Variants in CADPS observed in about 807,000 individuals in gnomAD.
The protein encoded by CADPS is calcium dependent secretion activator, also known as calcium-dependent secretion activator 1.
In CADPS, 57 loss-of-function variants were observed where a neutral mutation model predicts 167.3. The ratio of observed to expected loss-of-function variants is 0.34; its 90% CI spans 0.28 to 0.42. The LOEUF is 0.42. Ranked by LOEUF, CADPS falls within the 20% of genes least tolerant of loss-of-function variation. The pLI is 1.00. For synonymous variants in CADPS, 676 were observed against 635.3 expected (o/e 1.06, Z -0.96); for missense variants, 1,414 against 1,738.1 (o/e 0.81, Z 3.32).
At chr3:62,466,959 C>T (rs1166533896) in intron 24 of CADPS, among the ~76,000 whole-genome samples, 1 of 152,150 alleles carries the variant, frequency 6.6e-6, no homozygotes, top group African/African-American at 2.4e-5. Flanking sequence ...GGCAAAGTGT[C>T]TCTTTCTGAA....
Position 62,465,544 on chromosome 3 carries a change from C to A in CADPS, c.3553-94G>T. On this transcript the variant is annotated intron_variant, in intron 25 of 29. Transcript: ENST00000383710. The surrounding 1 kb of genome is among the most constrained non-coding windows in gnomAD (Gnocchi z 4.1). ...TTCCCCACCACATAAAGGCTGGGAT[C>A]GAGCCCTCCGTTCATTTCTGCAGTC... 1.3e-6 allele frequency: 1 copy of A among 790,386 alleles called. No individual in the cohort carries two copies. The highest frequency in any genetic ancestry group is 2.1e-5 in the South Asian group (1 of 47,670). The allele number at this position is 790,386 out of a possible 1,614,324, so 49.0% of individuals were successfully genotyped here.
chr3:62,639,209 AT>A (rs1464270563), intron 6 of CADPS, among the ~76,000 whole-genome samples: 11 of 152,320 alleles, frequency 7.2e-5, no homozygotes, highest in Admixed American at 7.2e-4. Context: ...GCAAAATTTA[AT>A]TTCTGGGTCA....
At chr3:62,629,844 T>G (rs1302174994) in intron 6 of CADPS, among the ~76,000 whole-genome samples, 1 of 152,012 alleles carries the variant, frequency 6.6e-6, no homozygotes, top group Non-Finnish European at 1.5e-5. Context: ...AACTTGCTTT[T>G]TTTCTTCCTT....
intron 3 of CADPS, among the ~76,000 whole-genome samples, chr3:62,687,069 A>G (rs2078181649): frequency 6.6e-6 from 1 of 152,152 alleles, no homozygotes; most frequent in African/African-American, 2.4e-5. Flanking sequence ...AGCCACAAGC[A>G]TGGGTTTCTT....
intron 3 of CADPS, among the ~76,000 whole-genome samples, chr3:62,674,613 G>T (rs1563691264): frequency 6.6e-6 from 1 of 152,082 alleles, no homozygotes; most frequent in Non-Finnish European, 1.5e-5. Flanking sequence ...AGAGGAGGTG[G>T]TATTAAAAAG....
chr3:62,558,298 G>A (rs2078540590), intron 9 of CADPS, among the ~76,000 whole-genome samples: 1 of 152,196 alleles, frequency 6.6e-6, no homozygotes, highest in Non-Finnish European at 1.5e-5. Context: ...GCCAGTGCAG[G>A]GCGGGTGCTC....
chr3:62,821,049 T>C (rs1436315967), intron 1 of CADPS, among the ~76,000 whole-genome samples: 2 of 152,182 alleles, frequency 1.3e-5, no homozygotes, highest in African/African-American at 2.4e-5. Flanking sequence ...TCTACCCACC[T>C]TGGCCGCCCA....
chr3:62,623,106 T>G (rs994609287), intron 6 of CADPS, among the ~76,000 whole-genome samples: 10 of 152,218 alleles, frequency 6.6e-5, no homozygotes, highest in Admixed American at 2.0e-4. Context: ...GGATACAGTA[T>G]TACGGTGATA....
intron 3 of CADPS, among the ~76,000 whole-genome samples, chr3:62,744,669 C>G (rs2081075969): frequency 6.6e-6 from 1 of 152,182 alleles, no homozygotes; most frequent in Non-Finnish European, 1.5e-5. Flanking sequence ...AAGTATACCT[C>G]TTTAACATCT....
At chr3:62,623,975 G>T (rs561538709) in intron 6 of CADPS, among the ~76,000 whole-genome samples, 1 of 151,580 alleles carries the variant, frequency 6.6e-6, no homozygotes, top group South Asian at 2.1e-4. Flanking sequence ...GGGTGGGGGT[G>T]CTCCTGGCAT....
At chr3:62,533,143 G>C in intron 12 of CADPS, 85 bp from the exon 13 acceptor site, 1 of 1,199,322 alleles carries the variant, frequency 8.3e-7, no homozygotes, top group Non-Finnish European at 1.2e-6. Flanking sequence ...GCTAGAGAAG[G>C]GGACTGAAAA....
chr3:62,742,657 CA>C (rs1187154521), intron 3 of CADPS, among the ~76,000 whole-genome samples: 2 of 151,928 alleles, frequency 1.3e-5, no homozygotes, highest in African/African-American at 4.8e-5. Context: ...ATATAAAACT[CA>C]AAACTATAAA....
intron 19 of CADPS, 135 bp downstream of exon 19, chr3:62,493,510 T>G (rs1367957737): frequency 1.7e-6 from 1 of 593,530 alleles, no homozygotes; most frequent in Non-Finnish European, 2.9e-6. Flanking sequence ...ATGGAAAAAT[T>G]CCATAAATGA....
rs1441876787 is a variant in CADPS at position 62,601,126 on chromosome 3, A to G, written c.1326-8378T>C. ...GGGTTGTTAAACTATGGCCATGGGT[A>G]TGGGTCTGCTTATGTATGGCTCATA... On this transcript the variant is annotated intron_variant, in intron 6 of 29. Coordinates refer to ENST00000383710, the MANE Select transcript of CADPS (RefSeq NM_003716.4). This position sits in a 1 kb window ranked among gnomAD's most constrained non-coding sequence, Gnocchi z 4.3. 2.0e-5 allele frequency among the ~76,000 whole-genome samples: 3 copies of G among 152,214 alleles called. No individual in the cohort carries two copies. Among genetic ancestry groups the G allele is most frequent in the Non-Finnish European group, 4.4e-5 (3 of 68,036 alleles).
At chr3:62,506,809 G>A (rs1196927345) in intron 17 of CADPS, among the ~76,000 whole-genome samples, 2 of 152,146 alleles carry the variant, frequency 1.3e-5, no homozygotes, top group African/African-American at 4.8e-5. Flanking sequence ...GCCCTTCTCT[G>A]GAATTGTATA....
In CADPS at chr3:62,688,764, G is replaced by C. The variant is rs2078554851; in HGVS notation, c.889-26370C>G. Among the ~76,000 whole-genome samples the C allele has an allele frequency of 2.6e-5, 4 of 151,954 alleles. No individual in the cohort carries two copies. In the South Asian group the frequency reaches 8.3e-4, roughly 32 times the overall value. On this transcript the variant is annotated intron_variant, in intron 3 of 29. Coordinates refer to ENST00000383710, the MANE Select transcript of CADPS (RefSeq NM_003716.4). ...GACCTCTAAGAACTTGCCATCCTCAGACACTCAGTGTCACCTTGCTCTCCC... is the reference window on the plus strand; with the variant it reads ...GACCTCTAAGAACTTGCCATCCTCACACACTCAGTGTCACCTTGCTCTCCC...
At chr3:62,771,475 C>G (rs2088724976) in intron 1 of CADPS, among the ~76,000 whole-genome samples, 1 of 152,096 alleles carries the variant, frequency 6.6e-6, no homozygotes, top group Admixed American at 6.6e-5. Context: ...AGTTAACTGA[C>G]TTATATAGGA....
chr3:62,491,217 G>T (rs2063643366), intron 21 of CADPS, 122 bp downstream of exon 21: 2 of 1,113,598 alleles, frequency 1.8e-6, no homozygotes, highest in Non-Finnish European at 2.6e-6. Flanking sequence ...TAGAAGAAAT[G>T]TATGGTGTTT....
At chr3:62,788,283 C>G (rs2092638473) in intron 1 of CADPS, among the ~76,000 whole-genome samples, 1 of 152,114 alleles carries the variant, frequency 6.6e-6, no homozygotes, top group East Asian at 1.9e-4. Flanking sequence ...ACGCCAAGTA[C>G]TTATAACCAT....
Sources: allele counts gnomAD v4.1 joint callset (sites outside exome capture counted in the v4.1 genomes callset), GRCh38; gene constraint gnomAD v4.1.1; non-coding constraint Gnocchi (gnomAD v3.1); transcripts MANE v1.5; gene names NCBI Gene and HGNC (gene_info 2026-07-23, HGNC 2026-07-21).